HIPK2: variants seen among roughly 807,000 people sequenced by gnomAD.
The protein encoded by HIPK2 is homeodomain interacting protein kinase 2, also known as homeodomain-interacting protein kinase 2.
In HIPK2, 27 loss-of-function variants were observed where a neutral mutation model predicts 113.7. The observed-to-expected ratio is 0.24, with a 90% CI of 0.17 to 0.33. HIPK2 has a LOEUF of 0.33. HIPK2 is among the 10% of genes least tolerant of loss of function. The pLI is 1.00. For missense variants in HIPK2, 1,257 were observed against 1,588.0 expected, an observed-to-expected ratio of 0.79 and a Z score of 3.54; for synonymous variants, 631 against 642.2, an observed-to-expected ratio of 0.98 and a Z score of 0.26.
At chr7:139,681,111 A>T (rs1219905070) in intron 2 of HIPK2, among the ~76,000 whole-genome samples, 1 of 152,240 alleles carries the variant, frequency 6.6e-6, no homozygotes, top group East Asian at 1.9e-4. Context: ...ATATAAATGT[A>T]CAGGAGAGCC....
intron 1 of HIPK2, among the ~76,000 whole-genome samples, chr7:139,776,046 G>C (rs1026314793): frequency 1.8e-4 from 27 of 152,192 alleles, no homozygotes; most frequent in African/African-American, 6.3e-4. Flanking sequence ...TAGACAGTGG[G>C]AGCATTGACT....
At chr7:139,596,646 G>T in intron 12 of HIPK2, 71 bp downstream of exon 12, 1 of 1,549,630 alleles carries the variant, frequency 6.5e-7, no homozygotes. Context: ...GATGATGGAA[G>T]ATGGTCAGAT....
chr7:139,590,349 T>C (rs1798975490), intron 12 of HIPK2, among the ~76,000 whole-genome samples: 1 of 152,094 alleles, frequency 6.6e-6, no homozygotes, highest in South Asian at 2.1e-4. Flanking sequence ...ATGATGAAAA[T>C]AAATAAGGAG....
chr7:139,597,124 A>C, intron 11 of HIPK2, 126 bp from the exon 12 acceptor site: 1 of 969,452 alleles, frequency 1.0e-6, no homozygotes, highest in Non-Finnish European at 1.5e-6. Context: ...TGGCTGCCCA[A>C]TGAGCCTCCA....
chr7:139,687,456 TTATAA>T (rs1459947081), intron 2 of HIPK2, among the ~76,000 whole-genome samples: 11 of 152,346 alleles, frequency 7.2e-5, no homozygotes, highest in African/African-American at 2.6e-4. Context: ...TCTGAGGTAT[TTATAA>T]TATGCCAGGC....
intron 2 of HIPK2, among the ~76,000 whole-genome samples, chr7:139,708,225 G>A (rs1032497333): frequency 2.6e-5 from 4 of 152,094 alleles, no homozygotes; most frequent in African/African-American, 4.8e-5. Context: ...TAAATAAAGA[G>A]GGCAGGAGGA....
intron 1 of HIPK2, chr7:139,721,985 G>A: frequency 2.2e-6 from 1 of 450,118 alleles, no homozygotes; most frequent in South Asian, 1.7e-5. Context: ...TAGAACTAAA[G>A]CTTTTAACAA....
At position 139,613,279 on chromosome 7, in the gene HIPK2, T is replaced by C. The variant is rs986760320; in HGVS notation, c.2035A>G (p.Met679Val). Residue 679 changes from methionine to valine, a missense_variant, in exon 9 of 15, where the codon ATG becomes GTG. Physicochemically the swap from Met to Val is conservative, Grantham distance 21. Transcript: ENST00000406875. The surrounding 1 kb of genome is among the most constrained non-coding windows in gnomAD (Gnocchi z 4.2). ...PSKHAGYSVRMENAVPIVTQA... is the reference protein window; with the variant it reads ...PSKHAGYSVRVENAVPIVTQA... ...GTGACGATGGGAACTGCATTTTCCA[T>C]TCGCACCGAGTAGCCAGCGTGCTTA... 1 of 1,613,660 alleles carries C rather than the reference T, an allele frequency of 6.2e-7. No individual in the cohort carries two copies. Among genetic ancestry groups the C allele is most frequent in the Non-Finnish European group, 8.5e-7 (1 of 1,179,798 alleles).
At chr7:139,687,153 A>T (rs1429778172) in intron 2 of HIPK2, among the ~76,000 whole-genome samples, 2 of 152,214 alleles carry the variant, frequency 1.3e-5, no homozygotes, top group Non-Finnish European at 2.9e-5. Flanking sequence ...TGTTGGCCAG[A>T]CTGGTCTCAA....
chr7:139,764,078 A>G (rs73735614), intron 1 of HIPK2, among the ~76,000 whole-genome samples: 3,702 of 152,320 alleles, frequency 0.024, 156 homozygotes, highest in African/African-American at 0.085. Flanking sequence ...TCGTTCAGGC[A>G]TGAGTTATAG....
chr7:139,710,485 T>C (rs1451686779), intron 2 of HIPK2, among the ~76,000 whole-genome samples: 1 of 152,226 alleles, frequency 6.6e-6, no homozygotes, highest in Non-Finnish European at 1.5e-5. Context: ...AATAAATCTC[T>C]GTTGAATGAC....
chr7:139,698,099 A>C (rs1244231200), intron 2 of HIPK2, among the ~76,000 whole-genome samples: 1 of 152,168 alleles, frequency 6.6e-6, no homozygotes, highest in African/African-American at 2.4e-5. Flanking sequence ...TCCTGGCCTC[A>C]AGTGATCTGT....
At chr7:139,643,826 T>G (rs1017771655) in intron 2 of HIPK2, among the ~76,000 whole-genome samples, 6 of 152,266 alleles carry the variant, frequency 3.9e-5, no homozygotes, top group African/African-American at 1.4e-4. Context: ...ATACTCACGC[T>G]GCCCTGTAAT....
At position 139,572,363 on chromosome 7, in the gene HIPK2, C is replaced by G. The variant is rs1798310354; in HGVS notation, c.*564G>C. 1 of 152,282 alleles carries G rather than the reference C, an allele frequency of 6.6e-6. No homozygotes were observed. The highest frequency in any genetic ancestry group is 2.1e-4 in the South Asian group (1 of 4,834). The allele number at this position is 152,282 out of a possible 1,614,324, so 9.4% of individuals were successfully genotyped here. On this transcript the variant is annotated 3_prime_UTR_variant, in exon 15 of 15. Coordinates refer to ENST00000406875, the MANE Select transcript of HIPK2 (RefSeq NM_022740.5). Reference sequence around the variant, plus strand: ...CCCGACATTCTGGAGGGCTGTTGACCCTTTCGAGTTCTGGAAAAATCCCTA... The same window carrying G: ...CCCGACATTCTGGAGGGCTGTTGACGCTTTCGAGTTCTGGAAAAATCCCTA...
At chr7:139,658,959 C>G (rs1007209881) in intron 2 of HIPK2, among the ~76,000 whole-genome samples, 1 of 152,188 alleles carries the variant, frequency 6.6e-6, no homozygotes, top group Admixed American at 6.5e-5. Context: ...AGTCGATTCA[C>G]TACAATGGAT....
intron 9 of HIPK2, 31 bp from the exon 10 acceptor site, chr7:139,604,254 T>C (rs769068956): frequency 7.3e-5 from 116 of 1,578,446 alleles, no homozygotes; most frequent in Non-Finnish European, 9.8e-5. Context: ...GCAATGACCA[T>C]GTTTGCTAAT....
intron 2 of HIPK2, among the ~76,000 whole-genome samples, chr7:139,637,244 G>A (rs1369979905): frequency 1.3e-5 from 2 of 152,142 alleles, no homozygotes; most frequent in Admixed American, 6.5e-5. Flanking sequence ...GGGAACAGAT[G>A]GCACCCCACC....
chr7:139,591,818 T>C (rs1452290015), intron 12 of HIPK2, among the ~76,000 whole-genome samples: 5 of 152,252 alleles, frequency 3.3e-5, no homozygotes, highest in Non-Finnish European at 7.3e-5. Flanking sequence ...GTTCCTTTGT[T>C]CCTTCACTCA....
At chr7:139,747,858 TTAAAA>T in intron 1 of HIPK2, among the ~76,000 whole-genome samples, 1 of 152,304 alleles carries the variant, frequency 6.6e-6, no homozygotes, top group South Asian at 2.1e-4. Flanking sequence ...TTTAAATTAA[TTAAAA>T]TAAAACATTG....
Sources: allele counts gnomAD v4.1 joint callset (sites outside exome capture counted in the v4.1 genomes callset), GRCh38; gene constraint gnomAD v4.1.1; non-coding constraint Gnocchi (gnomAD v3.1); transcripts MANE v1.5; gene names NCBI Gene and HGNC (gene_info 2026-07-23, HGNC 2026-07-21).